The following KHDRBS2 variants were observed in gnomAD, a reference collection of about 807,000 sequenced individuals.
KHDRBS2 encodes KH RNA binding domain containing, signal transduction associated 2.
In KHDRBS2, 26 loss-of-function variants were observed where a neutral mutation model predicts 44.3. The observed-to-expected ratio is 0.59, with a 90% CI of 0.43 to 0.81. The LOEUF (loss-of-function observed/expected upper bound fraction) is 0.81, where lower values mean the gene tolerates loss of function less well. Ranked by LOEUF, KHDRBS2 falls within the 40% of genes least tolerant of loss-of-function variation. The probability of loss-of-function intolerance (pLI) is 0.00; values close to 1 mark genes in which losing one functional copy is unlikely to be tolerated. For missense variants in KHDRBS2, 476 were observed against 433.1 expected, an observed-to-expected ratio of 1.10 and a Z score of -0.88; for synonymous variants, 194 against 151.1, an observed-to-expected ratio of 1.28 and a Z score of -2.08.
chr6:61,807,317 TG>T (rs1338588883), intron 6 of KHDRBS2, among the ~76,000 whole-genome samples: 4 of 151,974 alleles, frequency 2.6e-5, no homozygotes, highest in Non-Finnish European at 5.9e-5. Flanking sequence ...ATCCCATTAT[TG>T]GGTATATACC....
intron 7 of KHDRBS2, among the ~76,000 whole-genome samples, chr6:61,698,546 C>T (rs79249941): frequency 0.041 from 6,258 of 152,154 alleles, 152 homozygotes; most frequent in East Asian, 0.086. Context: ...TTTCTATTAT[C>T]GATGTAGCAG....
At chr6:62,047,199 A>G (rs946441114) in intron 3 of KHDRBS2, among the ~76,000 whole-genome samples, 3 of 151,962 alleles carry the variant, frequency 2.0e-5, no homozygotes, top group African/African-American at 7.2e-5. Flanking sequence ...ATCCTCAAAG[A>G]TCCTTTTGGA....
At chr6:61,769,128 G>A (rs1332991004) in intron 6 of KHDRBS2, among the ~76,000 whole-genome samples, 2 of 152,048 alleles carry the variant, frequency 1.3e-5, no homozygotes, top group African/African-American at 4.8e-5. Context: ...TTAGGCTGAC[G>A]TTAAATGAAA....
At chr6:61,594,612 T>C in the KHDRBS2 span, among the ~76,000 whole-genome samples, 1 of 152,160 alleles carries the variant, frequency 6.6e-6, no homozygotes, top group Non-Finnish European at 1.5e-5. Context: ...ATTTAATATA[T>C]CAGATTTTTA....
chr6:61,586,816 AT>A, the KHDRBS2 span, among the ~76,000 whole-genome samples: 1 of 152,088 alleles, frequency 6.6e-6, no homozygotes, highest in Non-Finnish European at 1.5e-5. Flanking sequence ...TTCAAGACCC[AT>A]ATTCTCCACA....
chr6:62,024,847 T>C (rs1783001844), intron 3 of KHDRBS2, among the ~76,000 whole-genome samples: 1 of 151,608 alleles, frequency 6.6e-6, no homozygotes. Context: ...CAGTAACCTA[T>C]TAAAGTATAT....
At chr6:61,718,848 C>A (rs1228822910) in intron 7 of KHDRBS2, among the ~76,000 whole-genome samples, 3 of 152,096 alleles carry the variant, frequency 2.0e-5, no homozygotes, top group Admixed American at 6.6e-5. Flanking sequence ...GAAAATAGTT[C>A]CCTGGTTAAA....
intron 2 of KHDRBS2, among the ~76,000 whole-genome samples, chr6:62,110,372 CA>C (rs1222462485): frequency 6.6e-6 from 1 of 152,018 alleles, no homozygotes; most frequent in African/African-American, 2.4e-5. Context: ...AAGACTTCTA[CA>C]CTAACATTTG....
intron 7 of KHDRBS2, 133 bp downstream of exon 7, chr6:61,732,549 G>A (rs1179591659): frequency 1.6e-6 from 1 of 643,218 alleles, no homozygotes; most frequent in Non-Finnish European, 2.8e-6. Flanking sequence ...TAAGCAACTT[G>A]ATAATTCAGA....
At chr6:62,230,752 A>T (rs993324033) in intron 1 of KHDRBS2, among the ~76,000 whole-genome samples, 2 of 152,226 alleles carry the variant, frequency 1.3e-5, no homozygotes, top group Non-Finnish European at 2.9e-5. Flanking sequence ...AAAAATCCCA[A>T]CTATGATGTT....
intron 2 of KHDRBS2, among the ~76,000 whole-genome samples, chr6:62,062,569 T>C (rs951639548): frequency 3.3e-5 from 5 of 150,684 alleles, no homozygotes; most frequent in African/African-American, 1.2e-4. Context: ...AAAGATGTTC[T>C]TTGAAACCAA....
intron 4 of KHDRBS2, among the ~76,000 whole-genome samples, chr6:61,942,028 A>G (rs1204389162): frequency 6.6e-6 from 1 of 151,938 alleles, no homozygotes; most frequent in African/African-American, 2.4e-5. Context: ...TTGGTATGTA[A>G]TAGCATGCTG....
At chr6:61,761,233 C>T (rs916899299) in intron 6 of KHDRBS2, among the ~76,000 whole-genome samples, 1 of 152,142 alleles carries the variant, frequency 6.6e-6, no homozygotes. Flanking sequence ...AAGGTGTTGT[C>T]AGTCATACAG....
Position 62,286,114 on chromosome 6 carries a change from C to A in KHDRBS2, c.-166G>T. The A allele has an allele frequency of 1.7e-6, 1 of 578,286 alleles. No individual in the cohort carries two copies. The highest frequency in any genetic ancestry group is 2.1e-5 in the South Asian group (1 of 47,526). The allele number at this position is 578,286 out of a possible 1,614,324, so 35.8% of individuals were successfully genotyped here. Reference sequence around the variant, plus strand: ...TGCACCCAGCACCTGCGACTCCCGCCGTCGGGCTGCGTGGCCCCGCGCCCA... The same window carrying A: ...TGCACCCAGCACCTGCGACTCCCGCAGTCGGGCTGCGTGGCCCCGCGCCCA... On this transcript the variant is annotated 5_prime_UTR_variant, in exon 1 of 9. Transcript: ENST00000281156.
chr6:61,804,741 A>G (rs1786861257), intron 6 of KHDRBS2, among the ~76,000 whole-genome samples: 1 of 152,204 alleles, frequency 6.6e-6, no homozygotes, highest in Non-Finnish European at 1.5e-5. Context: ...TCTGACCTGT[A>G]CGTTGGCCCC....
At chr6:61,935,348 C>T (rs187471247) in intron 4 of KHDRBS2, among the ~76,000 whole-genome samples, 1 of 152,208 alleles carries the variant, frequency 6.6e-6, no homozygotes, top group African/African-American at 2.4e-5. Flanking sequence ...CCTGGACTAA[C>T]AACAGGACAA....
intron 4 of KHDRBS2, among the ~76,000 whole-genome samples, chr6:61,932,795 G>GA (rs1462122227): frequency 6.6e-6 from 1 of 151,706 alleles, no homozygotes; most frequent in Non-Finnish European, 1.5e-5. Flanking sequence ...TCTGTCTCAA[G>GA]AAAAAAATAA....
chr6:61,905,183 G>A (rs954026047), intron 4 of KHDRBS2, among the ~76,000 whole-genome samples: 8 of 152,144 alleles, frequency 5.3e-5, no homozygotes, highest in African/African-American at 1.7e-4. Flanking sequence ...AAAGACTCAT[G>A]AAGATGGGCA....
chr6:61,667,984 C>T, the KHDRBS2 span, among the ~76,000 whole-genome samples: 4 of 150,920 alleles, frequency 2.7e-5, no homozygotes, highest in African/African-American at 9.7e-5. Context: ...TAAGTTTTAC[C>T]TATGAGTAAT....
Sources: allele counts gnomAD v4.1 joint callset (sites outside exome capture counted in the v4.1 genomes callset), GRCh38; gene constraint gnomAD v4.1.1; transcripts MANE v1.5; gene names NCBI Gene and HGNC (gene_info 2026-07-23, HGNC 2026-07-21).